AUTS2: variants seen among roughly 807,000 people sequenced by gnomAD.
AUTS2 encodes the protein autism susceptibility gene 2 protein.
In AUTS2, 17 loss-of-function variants were observed where a neutral mutation model predicts 112.4. The observed-to-expected ratio is 0.15, with a 90% CI of 0.10 to 0.23. The LOEUF is 0.23. Ranked by LOEUF, AUTS2 falls within the 10% of genes least tolerant of loss-of-function variation. AUTS2 has a pLI of 1.00. For missense variants in AUTS2, 1,510 were observed against 1,701.6 expected, an observed-to-expected ratio of 0.89 and a Z score of 1.98; for synonymous variants, 751 against 702.7, an observed-to-expected ratio of 1.07 and a Z score of -1.09.
At chr7:70,613,727 G>A (rs1804213083) in intron 5 of AUTS2, among the ~76,000 whole-genome samples, 1 of 152,140 alleles carries the variant, frequency 6.6e-6, no homozygotes, top group Admixed American at 6.5e-5. Flanking sequence ...AAATAGGAGG[G>A]GAATGGAACA....
At chr7:69,928,229 G>A (rs1332598939) in intron 2 of AUTS2, among the ~76,000 whole-genome samples, 1 of 152,122 alleles carries the variant, frequency 6.6e-6, no homozygotes, top group African/African-American at 2.4e-5. Context: ...ATTGGTCCAT[G>A]GGCAGCCATG....
intron 5 of AUTS2, among the ~76,000 whole-genome samples, chr7:70,621,297 T>A (rs919792664): frequency 1.3e-5 from 2 of 152,154 alleles, no homozygotes; most frequent in African/African-American, 4.8e-5. Context: ...ACTCAAACTG[T>A]ATTCACTGTG....
intron 5 of AUTS2, among the ~76,000 whole-genome samples, chr7:70,444,497 T>A (rs1796245322): frequency 6.6e-6 from 1 of 152,118 alleles, no homozygotes; most frequent in Non-Finnish European, 1.5e-5. Context: ...CAAATATCTA[T>A]ATTAGGATGT....
intron 6 of AUTS2, among the ~76,000 whole-genome samples, chr7:70,709,777 T>C (rs1397749753): frequency 2.6e-5 from 4 of 152,308 alleles, no homozygotes; most frequent in African/African-American, 9.6e-5. Flanking sequence ...GGGCACACAT[T>C]TTCCCTGCTA....
At chr7:70,495,639 A>C (rs1212211290) in intron 5 of AUTS2, among the ~76,000 whole-genome samples, 1 of 149,620 alleles carries the variant, frequency 6.7e-6, no homozygotes, top group Non-Finnish European at 1.5e-5. Context: ...CACCCCACAC[A>C]TGCACACGTC....
At chr7:69,857,007 C>T (rs1245706161) in intron 1 of AUTS2, among the ~76,000 whole-genome samples, 1 of 152,158 alleles carries the variant, frequency 6.6e-6, no homozygotes, top group Non-Finnish European at 1.5e-5. Flanking sequence ...GGAGGGGATG[C>T]AGAAGCTATT....
chr7:70,219,719 T>A (rs2129591525), intron 4 of AUTS2, among the ~76,000 whole-genome samples: 2 of 152,036 alleles, frequency 1.3e-5, no homozygotes, highest in South Asian at 4.2e-4. Context: ...TTACAGGTGC[T>A]TACCACCATA....
At chr7:69,714,523 G>A (rs10263467) in intron 1 of AUTS2, among the ~76,000 whole-genome samples, 14,842 of 151,944 alleles carry the variant, frequency 0.098, 1,137 homozygotes, top group African/African-American at 0.21. Context: ...CTATATATGT[G>A]TGATCTATGT....
chr7:70,554,025 C>T (rs1033310131), intron 5 of AUTS2, among the ~76,000 whole-genome samples: 1 of 149,502 alleles, frequency 6.7e-6, no homozygotes, highest in Non-Finnish European at 1.5e-5. Context: ...CCACCTCGGC[C>T]TCCCAAAGTG....
intron 4 of AUTS2, among the ~76,000 whole-genome samples, chr7:70,186,236 A>T (rs550069654): frequency 2.6e-5 from 4 of 152,268 alleles, no homozygotes; most frequent in Non-Finnish European, 5.9e-5. Context: ...GAAAAACTTG[A>T]CACAAACTGG....
At chr7:69,694,126 T>C (rs1373954450) in intron 1 of AUTS2, among the ~76,000 whole-genome samples, 1 of 152,194 alleles carries the variant, frequency 6.6e-6, no homozygotes, top group Non-Finnish European at 1.5e-5. Context: ...TCGTGTGTGA[T>C]TGTTGCTGGG....
At chr7:70,521,732 A>G (rs2129495096) in intron 5 of AUTS2, among the ~76,000 whole-genome samples, 1 of 152,292 alleles carries the variant, frequency 6.6e-6, no homozygotes, top group African/African-American at 2.4e-5. Context: ...CTTTGATGCC[A>G]AAAGTGGGGG....
chr7:70,451,391 A>G (rs1408398380), intron 5 of AUTS2, among the ~76,000 whole-genome samples: 1 of 152,212 alleles, frequency 6.6e-6, no homozygotes, highest in Admixed American at 6.5e-5. Context: ...TTTTTAAACT[A>G]CAAAATAACT....
At chr7:70,683,976 G>A (rs1054896791) in intron 5 of AUTS2, among the ~76,000 whole-genome samples, 10 of 152,092 alleles carry the variant, frequency 6.6e-5, no homozygotes, top group Admixed American at 1.3e-4. Flanking sequence ...TCAGGAAATC[G>A]AAACTAAGGG....
chr7:70,208,298 T>G (rs1810680997), intron 4 of AUTS2, among the ~76,000 whole-genome samples: 1 of 152,200 alleles, frequency 6.6e-6, no homozygotes, highest in Non-Finnish European at 1.5e-5. Context: ...ACTAGCAACT[T>G]GAAGGAGCAA....
At chr7:69,969,925 A>G (rs1468724803) in intron 2 of AUTS2, among the ~76,000 whole-genome samples, 1 of 152,194 alleles carries the variant, frequency 6.6e-6, no homozygotes, top group Non-Finnish European at 1.5e-5. Flanking sequence ...AAGATGATTT[A>G]ATCAGTCTTC....
rs1246613201 is a variant in AUTS2, at chr7:70,546,736, G to GCA, written c.690+110956_690+110957insAC. On this transcript the variant is annotated intron_variant, in intron 5 of 18. Transcript: ENST00000342771. ...GGAGCTTTCAGTGAGCTGAGATCAT[G>GCA]CCACTGCACTCCAGCCTGGGCGACA... 3.3e-5 allele frequency among the ~76,000 whole-genome samples: 5 copies of GCA among 150,126 alleles called. No homozygotes were observed. In the East Asian group the frequency reaches 8.0e-4, roughly 24 times the overall value.
intron 1 of AUTS2, among the ~76,000 whole-genome samples, chr7:69,671,590 G>A (rs1209320893): frequency 6.6e-6 from 1 of 151,532 alleles, no homozygotes; most frequent in East Asian, 1.9e-4. Flanking sequence ...AGATTTGGCA[G>A]CCCTAGTATC....
At chr7:69,872,040 G>C (rs1793520781) in intron 1 of AUTS2, among the ~76,000 whole-genome samples, 1 of 152,208 alleles carries the variant, frequency 6.6e-6, no homozygotes, top group Non-Finnish European at 1.5e-5. Flanking sequence ...TTCTACTCAT[G>C]GACATGTTCC....
Sources: allele counts gnomAD v4.1 joint callset (sites outside exome capture counted in the v4.1 genomes callset), GRCh38; gene constraint gnomAD v4.1.1; transcripts MANE v1.5; gene names NCBI Gene and HGNC (gene_info 2026-07-23, HGNC 2026-07-21).